The following ANKS1B variants were observed in gnomAD, a reference collection of about 807,000 sequenced individuals.
ANKS1B encodes ankyrin repeat and sterile alpha motif domain-containing protein 1B.
ANKS1B carries 36 observed loss-of-function variants against 148.3 expected under a neutral mutation model. The ratio of observed to expected loss-of-function variants is 0.24; its 90% CI spans 0.19 to 0.32. The LOEUF (loss-of-function observed/expected upper bound fraction) is 0.32. Ranked by LOEUF, ANKS1B falls within the 10% of genes least tolerant of loss-of-function variation. The pLI is 1.00. For missense variants in ANKS1B, 1,157 were observed against 1,542.6 expected, an observed-to-expected ratio of 0.75 and a Z score of 4.19; for synonymous variants, 542 against 560.8, an observed-to-expected ratio of 0.97 and a Z score of 0.47.
intron 12 of ANKS1B, among the ~76,000 whole-genome samples, chr12:99,380,754 CTCCTTCCTTCCTTCCT>C (rs144164931): frequency 6.0e-5 from 8 of 132,832 alleles, no homozygotes; most frequent in South Asian, 2.3e-4. Flanking sequence ...GTTTCCTTTC[CTCCTTCCTTCCTTCCT>C]TCCTTCCTTC....
chr12:99,931,795 C>G (rs2094623141), intron 1 of ANKS1B, among the ~76,000 whole-genome samples: 1 of 152,112 alleles, frequency 6.6e-6, no homozygotes, highest in Non-Finnish European at 1.5e-5. Flanking sequence ...CAATTATACT[C>G]TAGTTATTTT....
chr12:99,750,135 T>A (rs2060966929), intron 8 of ANKS1B, among the ~76,000 whole-genome samples: 2 of 152,090 alleles, frequency 1.3e-5, no homozygotes, highest in South Asian at 4.1e-4. Flanking sequence ...ATTTTATTTC[T>A]TTAAATATGT....
At chr12:99,670,734 TCA>T (rs1218733125) in intron 8 of ANKS1B, among the ~76,000 whole-genome samples, 4 of 152,076 alleles carry the variant, frequency 2.6e-5, no homozygotes, top group African/African-American at 9.7e-5. Flanking sequence ...AGGAGAGAAT[TCA>T]CAGAGTGTTT....
intron 17 of ANKS1B, among the ~76,000 whole-genome samples, chr12:98,877,446 T>C (rs188913414): frequency 6.6e-6 from 1 of 152,346 alleles, no homozygotes; most frequent in Admixed American, 6.5e-5. Flanking sequence ...TCAGGTAGTA[T>C]ATACAACAGA....
intron 9 of ANKS1B, among the ~76,000 whole-genome samples, chr12:99,537,318 G>GT (rs1257660863): frequency 6.6e-6 from 1 of 151,956 alleles, no homozygotes; most frequent in African/African-American, 2.4e-5. Context: ...TCTATTTTTA[G>GT]TTTTTTGAGG....
At chr12:99,796,435 A>G (rs1039615137) in intron 4 of ANKS1B, among the ~76,000 whole-genome samples, 1 of 151,998 alleles carries the variant, frequency 6.6e-6, no homozygotes, top group African/African-American at 2.4e-5. Context: ...ATTATATTCT[A>G]GACAATGAAA....
chr12:99,626,479 C>A (rs1456738419), intron 9 of ANKS1B, among the ~76,000 whole-genome samples: 1 of 152,126 alleles, frequency 6.6e-6, no homozygotes, highest in Non-Finnish European at 1.5e-5. Context: ...AGCCCACATC[C>A]TTTCACTTTC....
intron 1 of ANKS1B, among the ~76,000 whole-genome samples, chr12:99,847,987 C>T (rs905468926): frequency 3.2e-4 from 48 of 152,116 alleles, no homozygotes; most frequent in African/African-American, 9.6e-4. Context: ...AGAACAGTTT[C>T]TAGAATGTAT....
intron 12 of ANKS1B, among the ~76,000 whole-genome samples, chr12:99,377,829 G>A (rs2093453737): frequency 1.3e-5 from 2 of 152,054 alleles, no homozygotes; most frequent in African/African-American, 2.4e-5. Context: ...CTAGAATCTT[G>A]TAAATTTCCC....
At chr12:99,359,814 A>G (rs2092334340) in intron 12 of ANKS1B, among the ~76,000 whole-genome samples, 1 of 152,190 alleles carries the variant, frequency 6.6e-6, no homozygotes, top group Admixed American at 6.6e-5. Context: ...AATTTAGTGT[A>G]AACCACGTTT....
chr12:99,420,368 G>A (rs2095045379), intron 11 of ANKS1B, among the ~76,000 whole-genome samples: 1 of 152,136 alleles, frequency 6.6e-6, no homozygotes, highest in Non-Finnish European at 1.5e-5. Flanking sequence ...TAAAGTTAAG[G>A]TTTAAACCAG....
chr12:99,618,697 GGAA>G (rs1320338312), intron 9 of ANKS1B, among the ~76,000 whole-genome samples: 2 of 151,988 alleles, frequency 1.3e-5, no homozygotes, highest in Non-Finnish European at 2.9e-5. Context: ...AAATAACTTG[GGAA>G]GGGGCTTAGA....
chr12:99,924,678 T>C (rs1344722334), intron 1 of ANKS1B, among the ~76,000 whole-genome samples: 1 of 151,996 alleles, frequency 6.6e-6, no homozygotes, highest in Non-Finnish European at 1.5e-5. Context: ...CCCCGAAAAA[T>C]GACTTGCATC....
chr12:99,240,192 A>T (rs1472432496), intron 14 of ANKS1B, among the ~76,000 whole-genome samples: 1 of 152,222 alleles, frequency 6.6e-6, no homozygotes, highest in African/African-American at 2.4e-5. Context: ...AGACACACAT[A>T]GGCTCAAAAT....
At chr12:99,675,718 T>C (rs1220871393) in intron 8 of ANKS1B, among the ~76,000 whole-genome samples, 1 of 151,896 alleles carries the variant, frequency 6.6e-6, no homozygotes, top group African/African-American at 2.4e-5. Flanking sequence ...AGGATATTTA[T>C]CATCATATTA....
intron 14 of ANKS1B, among the ~76,000 whole-genome samples, chr12:99,193,696 G>C (rs1028462871): frequency 1.3e-5 from 2 of 150,134 alleles, no homozygotes; most frequent in Non-Finnish European, 3.0e-5. Context: ...TTATATGAAT[G>C]AATTGCTCAT....
chr12:99,609,021 C>T (rs377648413), intron 9 of ANKS1B, among the ~76,000 whole-genome samples: 1 of 152,022 alleles, frequency 6.6e-6, no homozygotes, highest in East Asian at 1.9e-4. Flanking sequence ...CAATAAAGTT[C>T]CACATTGTCC....
chr12:99,584,702 G>C (rs970938555), intron 9 of ANKS1B, among the ~76,000 whole-genome samples: 1 of 152,164 alleles, frequency 6.6e-6, no homozygotes, highest in East Asian at 1.9e-4. Flanking sequence ...GGGGTGTGGA[G>C]GTCTCACAAT....
At chr12:99,522,769 A>G (rs2096887561) in intron 9 of ANKS1B, among the ~76,000 whole-genome samples, 1 of 152,228 alleles carries the variant, frequency 6.6e-6, no homozygotes, top group African/African-American at 2.4e-5. Flanking sequence ...CTGATTTAAT[A>G]CAAGTATGAT....
Sources: allele counts gnomAD v4.1 joint callset (sites outside exome capture counted in the v4.1 genomes callset), GRCh38; gene constraint gnomAD v4.1.1; transcripts MANE v1.5; gene names NCBI Gene and HGNC (gene_info 2026-07-23, HGNC 2026-07-21).